The following CCSER1 variants were observed in gnomAD, a reference collection of about 807,000 sequenced individuals.
CCSER1 encodes the protein serine-rich coiled-coil domain-containing protein 1.
A neutral mutation model predicts 82.0 loss-of-function variants in CCSER1; 41 were observed. That is an observed-to-expected ratio of 0.50 (90% confidence interval 0.39 to 0.65). The LOEUF is 0.65. Among genes scored for constraint, CCSER1 ranks in the 30% least tolerant of loss-of-function variants. The pLI is 0.00. For missense variants in CCSER1, 1,119 were observed against 1,064.2 expected (o/e 1.05, Z -0.72); for synonymous variants, 414 against 383.9 (o/e 1.08, Z -0.92).
intron 5 of CCSER1, among the ~76,000 whole-genome samples, chr4:90,484,974 G>A (rs935129147): frequency 7.2e-5 from 11 of 152,216 alleles, no homozygotes; most frequent in Non-Finnish European, 1.5e-4. Context: ...GCCCCTAGAG[G>A]TGGAGGCTAT....
At chr4:91,106,678 T>C (rs971695797) in intron 10 of CCSER1, among the ~76,000 whole-genome samples, 1 of 152,238 alleles carries the variant, frequency 6.6e-6, no homozygotes, top group Non-Finnish European at 1.5e-5. Flanking sequence ...GGTCTTGGTC[T>C]CTGTCTTTTG....
At chr4:90,245,714 CCTTCAGACCAA>C (rs1721299453) in intron 1 of CCSER1, among the ~76,000 whole-genome samples, 1 of 152,102 alleles carries the variant, frequency 6.6e-6, no homozygotes, top group Admixed American at 6.6e-5. Flanking sequence ...TAACTGACTT[CCTTCAGACCAA>C]CTTCATATAC....
intron 10 of CCSER1, among the ~76,000 whole-genome samples, chr4:91,591,796 G>C (rs532407846): frequency 6.6e-6 from 1 of 152,088 alleles, no homozygotes; most frequent in East Asian, 1.9e-4. Context: ...AATGGGGCCG[G>C]GCAGCAGTTA....
chr4:91,496,762 TATTCA>T (rs1758906692), intron 10 of CCSER1, among the ~76,000 whole-genome samples: 1 of 79,888 alleles, frequency 1.3e-5, no homozygotes, highest in African/African-American at 4.4e-5. Context: ...AATATATATA[TATTCA>T]ATATATATTG....
At chr4:90,259,735 A>G (rs910180620) in intron 1 of CCSER1, among the ~76,000 whole-genome samples, 2 of 152,034 alleles carry the variant, frequency 1.3e-5, no homozygotes, top group Admixed American at 6.6e-5. Flanking sequence ...TTTGTTTTCA[A>G]TTCTAGCTAT....
intron 9 of CCSER1, among the ~76,000 whole-genome samples, chr4:91,047,902 T>C (rs1325194800): frequency 5.3e-5 from 8 of 152,142 alleles, no homozygotes; most frequent in Non-Finnish European, 1.2e-4. Context: ...TTTCAATTAA[T>C]CTAAATCATA....
intron 10 of CCSER1, among the ~76,000 whole-genome samples, chr4:91,437,563 G>T (rs1181075785): frequency 6.6e-6 from 1 of 152,336 alleles, no homozygotes; most frequent in East Asian, 1.9e-4. Flanking sequence ...GCAGAAGACG[G>T]GTGATTTCTG....
chr4:90,548,488 CCT>C (rs1309789500), intron 5 of CCSER1, among the ~76,000 whole-genome samples: 1 of 151,920 alleles, frequency 6.6e-6, no homozygotes, highest in Non-Finnish European at 1.5e-5. Flanking sequence ...CTGGGTAGAG[CCT>C]CTGGGACTCA....
intron 5 of CCSER1, among the ~76,000 whole-genome samples, chr4:90,605,059 T>G (rs1237163485): frequency 6.6e-6 from 1 of 152,222 alleles, no homozygotes; most frequent in East Asian, 1.9e-4. Context: ...TTGCTGCTGC[T>G]GACTCTTTGG....
chr4:90,194,322 G>A (rs1347519692), intron 1 of CCSER1, among the ~76,000 whole-genome samples: 4 of 151,924 alleles, frequency 2.6e-5, no homozygotes, highest in Non-Finnish European at 5.9e-5. Context: ...ATGATTGAAG[G>A]GCATTTGTTA....
intron 10 of CCSER1, among the ~76,000 whole-genome samples, chr4:91,177,308 T>C (rs1295669046): frequency 6.6e-6 from 1 of 152,228 alleles, no homozygotes; most frequent in East Asian, 1.9e-4. Flanking sequence ...TGCCAGGCTT[T>C]GGTATCAGGA....
intron 10 of CCSER1, among the ~76,000 whole-genome samples, chr4:91,301,116 G>A (rs1000953900): frequency 6.6e-6 from 1 of 151,784 alleles, no homozygotes; most frequent in African/African-American, 2.4e-5. Flanking sequence ...TTACAGATGG[G>A]TATTGATAAA....
chr4:90,159,334 C>T (rs1341889617), intron 1 of CCSER1, among the ~76,000 whole-genome samples: 1 of 152,160 alleles, frequency 6.6e-6, no homozygotes, highest in African/African-American at 2.4e-5. Context: ...CATGAACCAC[C>T]ATGCCTGGCC....
At chr4:90,301,009 T>C (rs1452635284) in intron 1 of CCSER1, among the ~76,000 whole-genome samples, 1 of 151,922 alleles carries the variant, frequency 6.6e-6, no homozygotes, top group Non-Finnish European at 1.5e-5. Context: ...TTTTTTTCTT[T>C]TTTTCTAAGA....
intron 3 of CCSER1, among the ~76,000 whole-genome samples, chr4:90,389,469 T>C (rs1750615269): frequency 1.3e-5 from 2 of 152,224 alleles, no homozygotes; most frequent in Admixed American, 1.3e-4. Context: ...GAAACTGCTG[T>C]TCTTCATCAA....
intron 10 of CCSER1, among the ~76,000 whole-genome samples, chr4:91,178,776 T>C (rs1454118560): frequency 6.6e-6 from 1 of 152,190 alleles, no homozygotes; most frequent in Non-Finnish European, 1.5e-5. Context: ...CCAGTCTGTT[T>C]CTTTTAATGA....
At chr4:90,877,789 T>G (rs1225089086) in intron 8 of CCSER1, among the ~76,000 whole-genome samples, 1 of 151,922 alleles carries the variant, frequency 6.6e-6, no homozygotes, top group Admixed American at 6.6e-5. Flanking sequence ...TACCACTACA[T>G]CAGTGGCACT....
intron 3 of CCSER1, among the ~76,000 whole-genome samples, chr4:90,368,783 C>A (rs1285315749): frequency 2.0e-5 from 3 of 151,790 alleles, no homozygotes; most frequent in African/African-American, 7.3e-5. Flanking sequence ...CACACACACA[C>A]ACTACTAAAA....
At chr4:91,491,852 ATTC>A (rs1758561315) in intron 10 of CCSER1, among the ~76,000 whole-genome samples, 2 of 151,992 alleles carry the variant, frequency 1.3e-5, no homozygotes, top group African/African-American at 4.8e-5. Context: ...ATTACTTACA[ATTC>A]TTCATGTTAT....
Sources: gnomAD v4.1 joint callset for allele counts (sites outside exome capture counted in the v4.1 genomes callset) on GRCh38, gnomAD v4.1.1 for gene constraint, MANE v1.5 for transcripts, NCBI Gene and HGNC (gene_info 2026-07-23, HGNC 2026-07-21) for gene names.